The following SLC1A5 variants were observed in gnomAD, a reference collection of about 807,000 sequenced individuals.
SLC1A5 encodes neutral amino acid transporter B(0).
Under a neutral mutation model 34.9 loss-of-function variants are expected in SLC1A5, and 25 were observed. The observed-to-expected ratio is 0.72, with a 90% CI of 0.52 to 1.00. The LOEUF is 1.00. SLC1A5 is among the 50% of genes least tolerant of loss of function. SLC1A5 has a pLI of 0.00. For synonymous variants in SLC1A5, 351 were observed against 341.2 expected (o/e 1.03, Z -0.32); for missense variants, 637 against 740.0 (o/e 0.86, Z 1.61).
At position 46,784,103 on chromosome 19, in the gene SLC1A5, C is replaced by G; in HGVS notation, c.651G>C (p.Arg217Ser). 1.2e-6 allele frequency: 2 copies of G among 1,613,340 alleles called. No individual in the cohort carries two copies. The highest frequency in any genetic ancestry group is 1.7e-6 in the Non-Finnish European group (2 of 1,179,434). ...TYEERNITGT[R>S]VKVPVGQEVE... is the part of the protein sequence containing the mutation. ...TGCCTCCCACTGCTCTCACCTTCAC[C>G]CTGGTTCCGGTGATATTCCTCTCTT... Residue 217 changes from arginine (R) to serine (S), a missense_variant, in exon 3 of 8, where the codon AGG becomes AGC. Coordinates refer to ENST00000542575, the MANE Select transcript of SLC1A5 (RefSeq NM_005628.3).
chr19:46,784,433 C>T, intron 2 of SLC1A5, 84 bp downstream of exon 2: 1 of 1,539,408 alleles, frequency 6.5e-7, no homozygotes, highest in Non-Finnish European at 8.9e-7. Context: ...CAGGAACTAA[C>T]CAAAATCAGG....
chr19:46,784,950 G>A, intron 1 of SLC1A5: 1 of 1,118,584 alleles, frequency 8.9e-7, no homozygotes, highest in South Asian at 3.2e-5. Context: ...GGCTCTGAGA[G>A]TATGGGGGAG....
At position 46,782,514 on chromosome 19, in the gene SLC1A5, G is replaced by C; in HGVS notation, c.693C>G (p.Ile231Met). 6.2e-7 allele frequency: 1 copy of C among 1,614,060 alleles called. No homozygotes were observed. Among genetic ancestry groups the C allele is most frequent in the Non-Finnish European group, 8.5e-7 (1 of 1,180,022 alleles). Residue 231 changes from isoleucine to methionine, a missense_variant, in exon 4 of 8, where the codon ATC (isoleucine) becomes ATG (methionine). By Grantham distance (10) the Ile-to-Met change is conservative. Coordinates refer to ENST00000542575, the MANE Select transcript of SLC1A5 (RefSeq NM_005628.3). ...CGATGGCAAACACTACCAAGCCCAG[G>C]ATGTTCATCCCCTCCACCTCCTGCC... ...PVGQEVEGMN[I>M]LGLVVFAIVF... is the part of the protein sequence containing the mutation.
intron 2 of SLC1A5, 33 bp downstream of exon 2, chr19:46,784,484 C>A: frequency 6.2e-7 from 1 of 1,613,534 alleles, no homozygotes; most frequent in Non-Finnish European, 8.5e-7. Flanking sequence ...CCCTGTCCAC[C>A]CCCATCCCCT....
chr19:46,782,345 A>ACCCCCCCCC, intron 4 of SLC1A5, 38 bp downstream of exon 4: 1 of 292,422 alleles, frequency 3.4e-6, no homozygotes, highest in Non-Finnish European at 6.7e-6. Flanking sequence ...CCGACCCTCC[A>ACCCCCCCCC]ACCCCACCCA....
At chr19:46,781,372 G>T (rs956219883) in intron 4 of SLC1A5, among the ~76,000 whole-genome samples, 1 of 152,232 alleles carries the variant, frequency 6.6e-6, no homozygotes, top group African/African-American at 2.4e-5. Context: ...GCCGAGGTGG[G>T]CGGATCACCT....
chr19:46,780,989 A>AAAAT (rs1476130610), intron 4 of SLC1A5, among the ~76,000 whole-genome samples: 6 of 152,220 alleles, frequency 3.9e-5, no homozygotes, highest in South Asian at 4.1e-4. Flanking sequence ...ATAAATAAAT[A>AAAAT]AAATAAATAC....
Position 46,787,704 on chromosome 19 carries a change from C to A in SLC1A5, c.262G>T (p.Ala88Ser). 1.3e-6 allele frequency: 2 copies of A among 1,580,872 alleles called. No individual in the cohort carries two copies. The highest frequency in any genetic ancestry group is 2.3e-5 in the East Asian group (1 of 43,888). Residue 88 changes from alanine (A) to serine (S), a missense_variant, in exon 1 of 8, where the codon GCC becomes TCC. Coordinates refer to ENST00000542575, the MANE Select transcript of SLC1A5 (RefSeq NM_005628.3). The surrounding 1 kb of genome is among the most constrained non-coding windows in gnomAD (Gnocchi z 5.2). ...AGCAGCTCGCCCGGGAAGACGAAGG[C>A]GCTCAAGCGCTCCGGGCCCAACGCC... Reference protein sequence around the residue: ...ALALGPERLSAFVFPGELLLR... With the variant: ...ALALGPERLSSFVFPGELLLR...
chr19:46,787,474 G>T lies in SLC1A5; in HGVS notation c.492C>A (p.Ala164=), dbSNP rs757511928. ...QPGAASAAIN[A]SVGAAGSAEN... The stretch of plus-strand genomic sequence containing the variant: ...CGGCACTGCCCGCGGCTCCCACGGA[G>T]GCGTTGATGGCGGCGGAGGCGGCGC... The change falls in exon 1 of 8, where the codon GCC becomes GCA. Residue 164 remains alanine, a synonymous_variant. Coordinates refer to ENST00000542575, the MANE Select transcript of SLC1A5 (RefSeq NM_005628.3). The surrounding 1 kb of genome is among the most constrained non-coding windows in gnomAD (Gnocchi z 5.2). 5.0e-6 allele frequency: 8 copies of T among 1,593,444 alleles called. No individual in the cohort carries two copies. Among genetic ancestry groups the T allele is most frequent in the Non-Finnish European group, 6.8e-6 (8 of 1,170,918 alleles).
At chr19:46,786,564 G>C (rs561047117) in intron 1 of SLC1A5, among the ~76,000 whole-genome samples, 140 of 152,292 alleles carry the variant, frequency 9.2e-4, no homozygotes, top group African/African-American at 3.0e-3. Context: ...ACCCTGTTCC[G>C]TGACTCATCA....
chr19:46,777,935 A>T (rs1362566767), intron 5 of SLC1A5, among the ~76,000 whole-genome samples: 1 of 151,980 alleles, frequency 6.6e-6, no homozygotes, highest in Non-Finnish European at 1.5e-5. Flanking sequence ...GAGTCCTGGA[A>T]CCCCTGGGAG....
At chr19:46,786,591 TC>T (rs1203839729) in intron 1 of SLC1A5, among the ~76,000 whole-genome samples, 2 of 152,038 alleles carry the variant, frequency 1.3e-5, no homozygotes, top group Non-Finnish European at 2.9e-5. Flanking sequence ...TCCCCCAACT[TC>T]CAGGAAGTCC....
chr19:46,783,378 A>G (rs550582794), intron 3 of SLC1A5, among the ~76,000 whole-genome samples: 1 of 151,922 alleles, frequency 6.6e-6, no homozygotes, highest in Admixed American at 6.6e-5. Context: ...CAAGAGAATA[A>G]TCACTTGAAC....
chr19:46,787,403 G>C lies in SLC1A5; in HGVS notation c.563C>G (p.Ala188Gly), dbSNP rs779299112. 2 of 1,594,950 alleles carry C rather than the reference G, an allele frequency of 1.3e-6. No individual in the cohort carries two copies. Among genetic ancestry groups the C allele is most frequent in the East Asian group, 2.3e-5 (1 of 44,058 alleles). The change falls in exon 1 of 8, where the codon GCG becomes GGG. Residue 188 changes from alanine to glycine, a missense_variant. Transcript: ENST00000542575. The surrounding 1 kb of genome is among the most constrained non-coding windows in gnomAD (Gnocchi z 5.2). ...TCCCGGGGGAGCGGGAGCTGACCTC[G>C]CAAGATCCAGGAACGAATCGAGCAC... ...KEVLDSFLDL[A>G]RNIFPSNLVS...
rs2055194764 is a variant in SLC1A5, at chr19:46,787,490, G to C, written c.476C>G (p.Ser159Cys). 1 of 1,587,108 alleles carries C rather than the reference G, an allele frequency of 6.3e-7. No homozygotes were observed. Residue 159 changes from serine to cysteine, a missense_variant, in exon 1 of 8, where the codon TCC becomes TGC. By Grantham distance (112) the Ser-to-Cys change is moderately radical (BLOSUM62 -1). Transcript: ENST00000542575. The surrounding 1 kb of genome is among the most constrained non-coding windows in gnomAD (Gnocchi z 5.2). Reference sequence around the variant, plus strand: ...TCCCACGGAGGCGTTGATGGCGGCGGAGGCGGCGCCCGGCTGCAGAGCCAG... The same window carrying C: ...TCCCACGGAGGCGTTGATGGCGGCGCAGGCGGCGCCCGGCTGCAGAGCCAG... ...LALALQPGAA[S>C]AAINASVGAA...
rs748752566 is a variant in SLC1A5 at position 46,782,364 on chromosome 19, C to G, written c.824+19G>C. 2 of 1,496,788 alleles carry G rather than the reference C, an allele frequency of 1.3e-6. No homozygotes were observed. 92.7% of individuals were successfully genotyped at this position (1,496,788 alleles called of 1,614,324 possible). A position where few individuals can be genotyped will look rare whatever the true frequency, so the allele number is the denominator to read the frequency against. On this transcript the variant is annotated intron_variant, in intron 4 of 7. Transcript: ENST00000542575. ...CCCTCCAACCCCACCCACCCCCAGC[C>G]TCCTCTCCCACCACCTACCACATGA...
rs943875927 is a variant in SLC1A5 at position 46,787,590 on chromosome 19, G to C, written c.376C>G (p.Arg126Gly). ...AASLDPGALG[R>G]LGAWALLFFL... ...AAGAGCAGCGCCCAGGCGCCCAGAC[G>C]GCCGAGCGCGCCGGGGTCCAGGCTG... The change falls in exon 1 of 8, where the codon CGT becomes GGT. Residue 126 changes from arginine to glycine, a missense_variant. Coordinates refer to ENST00000542575, the MANE Select transcript of SLC1A5 (RefSeq NM_005628.3). This position sits in a 1 kb window ranked among gnomAD's most constrained non-coding sequence, Gnocchi z 5.2. The C allele has an allele frequency of 4.5e-6, 7 of 1,561,870 alleles. No individual in the cohort carries two copies.
In SLC1A5 at chr19:46,787,866, C is replaced by A; in HGVS notation, c.100G>T (p.Ala34Ser). 6.4e-7 allele frequency: 1 copy of A among 1,559,276 alleles called. No homozygotes were observed. The stretch of plus-strand genomic sequence containing the variant: ...CGGGAACCGCAGTAGCCGCCTGCTG[C>A]CGCGCCTTGGTCCTCGATGGAGGCC... ...ALASIEDQGA[A>S]AGGYCGSRDQ... The change falls in exon 1 of 8, where the codon GCA (alanine) becomes TCA (serine). Residue 34 changes from alanine to serine, a missense_variant. Coordinates refer to ENST00000542575, the MANE Select transcript of SLC1A5 (RefSeq NM_005628.3). The surrounding 1 kb of genome is among the most constrained non-coding windows in gnomAD (Gnocchi z 5.2).
intron 7 of SLC1A5, among the ~76,000 whole-genome samples, chr19:46,776,399 G>A (rs1185452184): frequency 1.3e-5 from 2 of 151,760 alleles, no homozygotes; most frequent in African/African-American, 4.8e-5. Flanking sequence ...GTGGAGATGG[G>A]GTTTCACCAT....
Sources: allele counts gnomAD v4.1 joint callset (sites outside exome capture counted in the v4.1 genomes callset), GRCh38; gene constraint gnomAD v4.1.1; non-coding constraint Gnocchi (gnomAD v3.1); transcripts MANE v1.5; gene names NCBI Gene and HGNC (gene_info 2026-07-23, HGNC 2026-07-21).